Variants in ZDHHC1 observed in about 807,000 individuals in gnomAD.
The protein encoded by ZDHHC1 is zDHHC palmitoyltransferase 1, also known as palmitoyltransferase ZDHHC1.
Under a neutral mutation model 46.9 loss-of-function variants are expected in ZDHHC1, and 45 were observed. The ratio of observed to expected loss-of-function variants is 0.96; its 90% confidence interval spans 0.76 to 1.23. The LOEUF (loss-of-function observed/expected upper bound fraction) is 1.23, where lower values mean the gene tolerates loss of function less well. ZDHHC1 is among the 50% of genes most tolerant of loss of function. The pLI is 0.00. For synonymous variants in ZDHHC1, 291 were observed against 286.0 expected (o/e 1.02, Z -0.18); for missense variants, 649 against 670.8 (o/e 0.97, Z 0.36).
chr16:67,395,110 C>T (rs895293616), intron 10 of ZDHHC1, 48 bp from the exon 11 acceptor site: 3 of 1,613,124 alleles, frequency 1.9e-6, no homozygotes, highest in African/African-American at 1.3e-5. Flanking sequence ...CCAAAAGAAG[C>T]AGAGGCGAGC....
intron 1 of ZDHHC1, among the ~76,000 whole-genome samples, chr16:67,412,315 G>A (rs1289574675): frequency 6.6e-6 from 1 of 150,580 alleles, no homozygotes; most frequent in Non-Finnish European, 1.5e-5. Flanking sequence ...TTTTTATCAT[G>A]AGCATGTACT....
chr16:67,399,060 A>C, intron 5 of ZDHHC1, 116 bp from the exon 6 acceptor site: 1 of 1,393,270 alleles, frequency 7.2e-7, no homozygotes, highest in African/African-American at 1.5e-5. Context: ...GTGACCCCAC[A>C]GCCCCAACTC....
At chr16:67,407,836 C>G (rs2040689673) in intron 1 of ZDHHC1, 23 bp from the exon 2 acceptor site, 1 of 774,204 alleles carries the variant, frequency 1.3e-6, no homozygotes, top group Non-Finnish European at 2.4e-6. Context: ...GAAACGTGGG[C>G]ACAGTAAATG....
chr16:67,413,244 C>A (rs1009527159), intron 1 of ZDHHC1, among the ~76,000 whole-genome samples: 1 of 152,110 alleles, frequency 6.6e-6, no homozygotes, highest in Non-Finnish European at 1.5e-5. Context: ...CGTGCCCAGT[C>A]GGGAGATTTT....
At chr16:67,408,093 C>T (rs1392168316) in intron 1 of ZDHHC1, among the ~76,000 whole-genome samples, 2 of 152,164 alleles carry the variant, frequency 1.3e-5, no homozygotes, top group Non-Finnish European at 2.9e-5. Flanking sequence ...TGAGTTGTCC[C>T]ATCTCAAAGC....
intron 5 of ZDHHC1, 34 bp from the exon 6 acceptor site, chr16:67,398,978 G>A (rs368581927): frequency 1.1e-4 from 172 of 1,604,748 alleles, no homozygotes; most frequent in Middle Eastern, 1.6e-4. Flanking sequence ...TCAGCTCCCC[G>A]GAGCTCCAGC....
At position 67,406,118 on chromosome 16, in the gene ZDHHC1, A is replaced by G. The variant is rs1040069528; in HGVS notation, c.252+82T>C. ...CTGACTGTGCTCCCCAAGGCTCTCA[A>G]CCCGGCTTTGGGCCTCCGCTGTGCC... is the stretch of plus-strand genomic sequence containing the variant. On this transcript the variant is annotated intron_variant, in intron 3 of 11. Coordinates refer to ENST00000565726, the MANE Select transcript of ZDHHC1 (RefSeq NM_001323627.2). This position sits in a 1 kb window ranked among gnomAD's most constrained non-coding sequence, Gnocchi z 4.1. The G allele has an allele frequency of 2.0e-5, 31 of 1,514,990 alleles. No homozygotes were observed. Among genetic ancestry groups the G allele is most frequent in the Non-Finnish European group, 2.5e-5 (28 of 1,129,766 alleles). The allele number at this position is 1,514,990 out of a possible 1,614,324, so 93.8% of individuals were successfully genotyped here. A position where few individuals can be genotyped will look rare whatever the true frequency, so the allele number is the denominator to read the frequency against.
At chr16:67,413,349 T>C (rs2040781190) in intron 1 of ZDHHC1, among the ~76,000 whole-genome samples, 1 of 152,156 alleles carries the variant, frequency 6.6e-6, no homozygotes, top group Non-Finnish European at 1.5e-5. Context: ...CCAGTTGAAC[T>C]ACCTAAAGGG....
intron 1 of ZDHHC1, among the ~76,000 whole-genome samples, chr16:67,409,228 CCT>C (rs1491474587): frequency 5.3e-5 from 8 of 151,972 alleles, no homozygotes; most frequent in Admixed American, 6.6e-5. Flanking sequence ...CAGGATACCC[CCT>C]GATACTCCAA....
chr16:67,410,247 C>A (rs1216140169), intron 1 of ZDHHC1, among the ~76,000 whole-genome samples: 1 of 152,204 alleles, frequency 6.6e-6, no homozygotes, highest in African/African-American at 2.4e-5. Flanking sequence ...GGGAGCCCAG[C>A]AGCCCTGTGC....
chr16:67,394,936 C>A, intron 11 of ZDHHC1, 43 bp from the exon 12 acceptor site: 1 of 1,557,640 alleles, frequency 6.4e-7, no homozygotes, highest in East Asian at 2.4e-5. Flanking sequence ...CTGCGGCTCG[C>A]TTGTGGCTCT....
At chr16:67,405,330 G>A (rs1280495438) in intron 3 of ZDHHC1, among the ~76,000 whole-genome samples, 1 of 152,240 alleles carries the variant, frequency 6.6e-6, no homozygotes, top group African/African-American at 2.4e-5. Context: ...AGAGCTGGCA[G>A]GAGCTGCTCG....
At chr16:67,395,153 A>T (rs2040401002) in intron 10 of ZDHHC1, 34 bp downstream of exon 10, 1 of 1,612,802 alleles carries the variant, frequency 6.2e-7, no homozygotes, top group Non-Finnish European at 8.5e-7. Flanking sequence ...ATCCCACTCC[A>T]CCTGGACCGG....
At chr16:67,405,592 C>T (rs1393104389) in intron 3 of ZDHHC1, among the ~76,000 whole-genome samples, 3 of 152,176 alleles carry the variant, frequency 2.0e-5, no homozygotes, top group African/African-American at 7.2e-5. Context: ...GGGGCAATCA[C>T]ACCACTGGGC....
intron 1 of ZDHHC1, among the ~76,000 whole-genome samples, chr16:67,413,079 C>T (rs915980989): frequency 3.3e-5 from 5 of 150,262 alleles, no homozygotes; most frequent in African/African-American, 1.2e-4. Context: ...TGCACCCAGC[C>T]TATTTTTTTT....
chr16:67,415,458 C>CA (rs766162759), intron 1 of ZDHHC1, among the ~76,000 whole-genome samples: 84 of 149,400 alleles, frequency 5.6e-4, no homozygotes, highest in Non-Finnish European at 2.4e-4. Context: ...GACCTTGTCT[C>CA]AAAAAAATAA....
chr16:67,395,277 G>T lies in ZDHHC1; in HGVS notation c.1014C>A (p.Pro338=). 6.5e-7 allele frequency: 1 copy of T among 1,545,596 alleles called. No homozygotes were observed. The change falls in exon 10 of 12, where the codon CCC becomes CCA. Residue 338 remains proline, a synonymous_variant. Transcript: ENST00000565726. ...GGCCACGGGTGGCAAGAAACTGGGAGGGACTGAGGGGGAAGCAGGAGGGTA... is the reference window on the plus strand; with the variant it reads ...GGCCACGGGTGGCAAGAAACTGGGATGGACTGAGGGGGAAGCAGGAGGGTA... ...QAGPAAVNAN[P]SQFLATRGQA...
intron 7 of ZDHHC1, 22 bp downstream of exon 7, chr16:67,398,551 G>A: frequency 6.3e-7 from 1 of 1,581,582 alleles, no homozygotes; most frequent in South Asian, 1.1e-5. Flanking sequence ...CGTTCCAGAA[G>A]GCAGGTGCAG....
intron 5 of ZDHHC1, 152 bp from the exon 6 acceptor site, chr16:67,399,096 A>C: frequency 1.7e-6 from 2 of 1,186,650 alleles, no homozygotes; most frequent in Admixed American, 2.9e-5. Context: ...CATACGGCAA[A>C]ACTGAAGATG....
Sources: gnomAD v4.1 joint callset for allele counts (sites outside exome capture counted in the v4.1 genomes callset) on GRCh38, gnomAD v4.1.1 for gene constraint, Gnocchi (gnomAD v3.1) non-coding constraint, MANE v1.5 for transcripts, NCBI Gene and HGNC (gene_info 2026-07-23, HGNC 2026-07-21) for gene names.